CACNA1C: variants seen among roughly 807,000 people sequenced by gnomAD.
The protein encoded by CACNA1C is calcium voltage-gated channel subunit alpha1 C.
In CACNA1C, 30 loss-of-function variants were observed where a neutral mutation model predicts 229.0. The ratio of observed to expected loss-of-function variants is 0.13; its 90% confidence interval spans 0.10 to 0.18. The LOEUF (loss-of-function observed/expected upper bound fraction) is 0.18, where lower values mean the gene tolerates loss of function less well. CACNA1C is among the 10% of genes least tolerant of loss of function. The pLI, the probability that CACNA1C is intolerant of heterozygous loss-of-function variation, is 1.00. For synonymous variants in CACNA1C, 1,114 were observed against 1,132.5 expected (o/e 0.98, Z 0.33); for missense variants, 1,658 against 2,845.0 (o/e 0.58, Z 9.49).
At position 2,651,795 on chromosome 12, in the gene CACNA1C, C is replaced by T. The variant is rs768913449; in HGVS notation, c.4074+27C>T. On this transcript the variant is annotated intron_variant, in intron 32 of 46. Transcript: ENST00000399655. This position sits in a 1 kb window ranked among gnomAD's most constrained non-coding sequence, Gnocchi z 5.4. ...TAGCCGCCCCTCATGTCCTGCGGCCCGGGGAATCGCAGGGCTGCCGCGTGG... is the reference window on the plus strand; with the variant it reads ...TAGCCGCCCCTCATGTCCTGCGGCCTGGGGAATCGCAGGGCTGCCGCGTGG... 26 of 1,543,114 alleles carry T rather than the reference C, an allele frequency of 1.7e-5. No homozygotes were observed. The highest frequency in any genetic ancestry group is 1.7e-4 in the Middle Eastern group (1 of 5,812).
At chr12:2,570,711 A>G (rs1237806090) in intron 13 of CACNA1C, among the ~76,000 whole-genome samples, 2 of 152,200 alleles carry the variant, frequency 1.3e-5, no homozygotes, top group Admixed American at 1.3e-4. Flanking sequence ...TGAAGAGATT[A>G]AAGGAAAATC....
In CACNA1C at chr12:2,319,422, G is replaced by A. The variant is rs1248974726; in HGVS notation, c.478-129554G>A. Among the ~76,000 whole-genome samples, 5 of 152,102 alleles carry A rather than the reference G, an allele frequency of 3.3e-5. No individual in the cohort carries two copies. Among genetic ancestry groups the A allele is most frequent in the Admixed American group, 1.3e-4 (2 of 15,278 alleles). ...AGCGTACATGATGGCCAGTGTACAC[G>A]ATGAGCAGCCACCATGCATCAGGAG... On this transcript the variant is annotated intron_variant, in intron 3 of 46. Coordinates refer to ENST00000399655, the MANE Select transcript of CACNA1C (RefSeq NM_000719.7). This position sits in a 1 kb window ranked among gnomAD's most constrained non-coding sequence, Gnocchi z 4.0.
intron 37 of CACNA1C, 100 bp from the exon 38 acceptor site, chr12:2,668,833 C>A: frequency 1.3e-6 from 1 of 762,614 alleles, no homozygotes; most frequent in Non-Finnish European, 2.3e-6. Flanking sequence ...GAGATTTGGG[C>A]GAGGACACAG....
At chr12:2,277,003 C>A (rs2088543959) in intron 3 of CACNA1C, among the ~76,000 whole-genome samples, 1 of 152,138 alleles carries the variant, frequency 6.6e-6, no homozygotes, top group African/African-American at 2.4e-5. Flanking sequence ...GACTGCTCAT[C>A]ACAGGGGTTG....
intron 5 of CACNA1C, among the ~76,000 whole-genome samples, chr12:2,485,536 T>G (rs1393259122): frequency 6.6e-6 from 1 of 152,140 alleles, no homozygotes; most frequent in Non-Finnish European, 1.5e-5. Flanking sequence ...GGGATCTGGG[T>G]GCTTTTTAGA....
At chr12:2,044,195 C>T (rs1340655349) in intron 1 of CACNA1C, among the ~76,000 whole-genome samples, 1 of 152,206 alleles carries the variant, frequency 6.6e-6, no homozygotes, top group African/African-American at 2.4e-5. Context: ...AACTTACCTT[C>T]AAGTATGACT....
At chr12:2,582,702 G>C in intron 14 of CACNA1C, 120 bp from the exon 15 acceptor site, 1 of 1,054,988 alleles carries the variant, frequency 9.5e-7, no homozygotes, top group Non-Finnish European at 1.4e-6. Flanking sequence ...CAGGAGGAGG[G>C]AAAGAAGTGA....
intron 3 of CACNA1C, among the ~76,000 whole-genome samples, chr12:2,264,834 A>G (rs2081722092): frequency 6.6e-6 from 1 of 152,098 alleles, no homozygotes; most frequent in African/African-American, 2.4e-5. Flanking sequence ...TGGGGCAGAG[A>G]GTTAGTTCCA....
intron 1 of CACNA1C, 144 bp from the exon 2 acceptor site, chr12:2,115,080 A>G (rs1565782302): frequency 7.6e-6 from 5 of 656,100 alleles, no homozygotes; most frequent in Non-Finnish European, 1.3e-5. Context: ...TCTCACACTC[A>G]TGTTTCCACG....
intron 10 of CACNA1C, among the ~76,000 whole-genome samples, chr12:2,554,308 C>T (rs2042892123): frequency 6.6e-6 from 1 of 152,182 alleles, no homozygotes; most frequent in Admixed American, 6.5e-5. Context: ...GTTGCATGAA[C>T]TTCAGTTCCT....
At chr12:2,042,836 C>T (rs937470263) in intron 1 of CACNA1C, among the ~76,000 whole-genome samples, 3 of 152,210 alleles carry the variant, frequency 2.0e-5, no homozygotes, top group East Asian at 1.9e-4. Context: ...TCAAGATGTC[C>T]TACACTACTC....
chr12:2,330,414 A>T (rs1214449976), intron 3 of CACNA1C, among the ~76,000 whole-genome samples: 1 of 152,238 alleles, frequency 6.6e-6, no homozygotes, highest in Non-Finnish European at 1.5e-5. Context: ...ACTAAGATTT[A>T]TTGAGTTCCT....
chr12:2,596,054 GC>G, intron 20 of CACNA1C, 51 bp downstream of exon 20: 1 of 1,534,508 alleles, frequency 6.5e-7, no homozygotes. Flanking sequence ...GCTGTGCCAG[GC>G]CCACAGCTTC....
intron 3 of CACNA1C, among the ~76,000 whole-genome samples, chr12:2,353,265 C>G (rs2097258977): frequency 6.6e-6 from 1 of 152,152 alleles, no homozygotes; most frequent in Non-Finnish European, 1.5e-5. Flanking sequence ...GAAGTTCTCA[C>G]CCACCCTGCA....
At chr12:2,349,783 C>T (rs572896358) in intron 3 of CACNA1C, among the ~76,000 whole-genome samples, 8 of 152,234 alleles carry the variant, frequency 5.3e-5, no homozygotes, top group East Asian at 1.9e-4. Flanking sequence ...ATGGGAGGAA[C>T]GCACCTTGCA....
At chr12:2,214,162 C>A in intron 3 of CACNA1C, among the ~76,000 whole-genome samples, 1 of 152,182 alleles carries the variant, frequency 6.6e-6, no homozygotes, top group East Asian at 1.9e-4. Context: ...AGAGTCTGCT[C>A]CAGCCTCCTT....
At chr12:2,553,379 A>G (rs576682260) in intron 10 of CACNA1C, among the ~76,000 whole-genome samples, 1 of 152,326 alleles carries the variant, frequency 6.6e-6, no homozygotes, top group African/African-American at 2.4e-5. Flanking sequence ...AGAATACAGA[A>G]TCAGAAACAG....
intron 3 of CACNA1C, among the ~76,000 whole-genome samples, chr12:2,385,148 G>A (rs1266131650): frequency 1.3e-5 from 2 of 152,148 alleles, no homozygotes; most frequent in Non-Finnish European, 1.5e-5. Context: ...GAGTCACCGG[G>A]GAAGTTAAGA....
intron 30 of CACNA1C, among the ~76,000 whole-genome samples, chr12:2,640,723 TTAG>T (rs146718347): frequency 0.019 from 2,935 of 152,306 alleles, 104 homozygotes; most frequent in African/African-American, 0.067. Flanking sequence ...CCTTTCTACC[TTAG>T]TATCTTTCCA....
Sources: gnomAD v4.1 joint callset for allele counts (sites outside exome capture counted in the v4.1 genomes callset) on GRCh38, gnomAD v4.1.1 for gene constraint, Gnocchi (gnomAD v3.1) non-coding constraint, MANE v1.5 for transcripts, NCBI Gene and HGNC (gene_info 2026-07-23, HGNC 2026-07-21) for gene names.